COBL: variants seen among roughly 807,000 people sequenced by gnomAD.
COBL encodes the protein protein cordon-bleu.
COBL carries 51 observed loss-of-function variants against 98.8 expected under a neutral mutation model. The observed-to-expected ratio is 0.52, with a 90% CI of 0.41 to 0.65. The LOEUF is 0.65. Among genes scored for constraint, COBL ranks in the 30% least tolerant of loss-of-function variants. COBL has a pLI of 0.00. For missense variants in COBL, 1,617 were observed against 1,617.5 expected (o/e 1.00, Z 0.01); for synonymous variants, 634 against 651.7 (o/e 0.97, Z 0.41).
chr7:51,037,476 A>T (rs1317876335), intron 8 of COBL, among the ~76,000 whole-genome samples: 1 of 152,246 alleles, frequency 6.6e-6, no homozygotes, highest in Non-Finnish European at 1.5e-5. Context: ...TATTAGGAGC[A>T]TTGGCTGGGG....
chr7:51,069,764 T>C (rs997712001), intron 7 of COBL, among the ~76,000 whole-genome samples: 42 of 152,358 alleles, frequency 2.8e-4, no homozygotes, highest in African/African-American at 9.9e-4. Flanking sequence ...AAGGAAAGGA[T>C]GCATCCACTC....
At chr7:51,229,076 A>C (rs963725419) in intron 1 of COBL, among the ~76,000 whole-genome samples, 5 of 152,128 alleles carry the variant, frequency 3.3e-5, no homozygotes, top group African/African-American at 9.7e-5. Flanking sequence ...TTTGCCCCCT[A>C]AAAGGAGCAC....
chr7:51,261,026 A>G (rs945234842), intron 1 of COBL, among the ~76,000 whole-genome samples: 16 of 152,076 alleles, frequency 1.1e-4, no homozygotes, highest in Middle Eastern at 3.4e-3. Context: ...ACCTCCAGCC[A>G]TTCTCCCCAG....
intron 1 of COBL, among the ~76,000 whole-genome samples, chr7:51,238,995 T>C (rs553643707): frequency 6.6e-6 from 1 of 152,282 alleles, no homozygotes; most frequent in South Asian, 2.1e-4. Flanking sequence ...AAAAAGTAAA[T>C]TATATAAACT....
intron 4 of COBL, among the ~76,000 whole-genome samples, chr7:51,187,490 G>A (rs965605988): frequency 6.6e-6 from 1 of 152,036 alleles, no homozygotes; most frequent in African/African-American, 2.4e-5. Context: ...TGACAGAAAA[G>A]GTTAAATTTT....
intron 7 of COBL, among the ~76,000 whole-genome samples, chr7:51,074,539 A>G (rs1442130962): frequency 6.6e-6 from 1 of 152,216 alleles, no homozygotes; most frequent in Non-Finnish European, 1.5e-5. Context: ...TTTATGCCTT[A>G]TTTCTGGGAA....
At position 51,307,268 on chromosome 7, in the gene COBL, G is replaced by A. The variant is rs369050806; in HGVS notation, c.41+9325C>T. 1.3e-3 allele frequency among the ~76,000 whole-genome samples: 194 copies of A among 152,292 alleles called. 1 individual carries two copies. Among genetic ancestry groups the A allele is most frequent in the African/African-American group, 4.5e-3 (189 of 41,560 alleles). On this transcript the variant is annotated intron_variant, in intron 1 of 12. Coordinates refer to ENST00000265136, the MANE Select transcript of COBL (RefSeq NM_015198.5). ...GGAGGCTGAGGCAGGAGAATTGCTT[G>A]AACCTAGGAGGTAGAGGTTGCAGTG...
intron 5 of COBL, among the ~76,000 whole-genome samples, chr7:51,173,205 A>G (rs933724913): frequency 6.6e-6 from 1 of 151,996 alleles, no homozygotes; most frequent in Admixed American, 6.6e-5. Context: ...TGTTTTGAGC[A>G]GAGTCTCACT....
chr7:51,280,385 A>G (rs1799710484), intron 1 of COBL, among the ~76,000 whole-genome samples: 1 of 152,186 alleles, frequency 6.6e-6, no homozygotes, highest in Non-Finnish European at 1.5e-5. Context: ...GAGGTGGCAG[A>G]GTGGGTGACA....
At chr7:51,049,033 A>G (rs1435399282) in intron 7 of COBL, among the ~76,000 whole-genome samples, 1 of 152,210 alleles carries the variant, frequency 6.6e-6, no homozygotes. Flanking sequence ...ACATCATTCC[A>G]TTAGGTTTCT....
chr7:51,067,751 T>G (rs890254366), intron 7 of COBL, among the ~76,000 whole-genome samples: 1 of 152,238 alleles, frequency 6.6e-6, no homozygotes, highest in African/African-American at 2.4e-5. Context: ...TGTGACTAGC[T>G]GCAACATAAT....
At chr7:51,290,404 T>C (rs1800782935) in intron 1 of COBL, among the ~76,000 whole-genome samples, 1 of 152,058 alleles carries the variant, frequency 6.6e-6, no homozygotes, top group Non-Finnish European at 1.5e-5. Flanking sequence ...GCAGAGATAA[T>C]GTGAAACCTG....
At chr7:51,070,568 G>C (rs1046391017) in intron 7 of COBL, among the ~76,000 whole-genome samples, 2 of 152,188 alleles carry the variant, frequency 1.3e-5, no homozygotes, top group Non-Finnish European at 2.9e-5. Flanking sequence ...ATTTTTGGAA[G>C]ATGCACTCTT....
At chr7:51,140,321 C>T (rs371844277) in intron 5 of COBL, among the ~76,000 whole-genome samples, 19 of 152,200 alleles carry the variant, frequency 1.2e-4, no homozygotes, top group African/African-American at 4.3e-4. Context: ...CATGTCACCA[C>T]ACCACTGATA....
chr7:51,132,700 A>C (rs1481135599), intron 6 of COBL, among the ~76,000 whole-genome samples: 2 of 152,194 alleles, frequency 1.3e-5, no homozygotes, highest in Non-Finnish European at 2.9e-5. Context: ...TCATGGTTCC[A>C]TAGACTGTAC....
At position 51,027,916 on chromosome 7, in the gene COBL, G is replaced by A. The variant is rs777376866; in HGVS notation, c.3180C>T (p.Ser1060=). The A allele has an allele frequency of 1.1e-5, 17 of 1,613,948 alleles. No homozygotes were observed. The African/African-American group carries it at 2.3e-4, about 22-fold the overall frequency. The change falls in exon 10 of 13, where the codon AGC becomes AGT. Residue 1060 remains serine (S), a synonymous_variant. Coordinates refer to ENST00000265136, the MANE Select transcript of COBL (RefSeq NM_015198.5). ...SHPPGGSGTE[S]HILLEREEKP... is the part of the protein sequence containing the mutation. ...TTTCCTCTCTTTCTAGGAGAATGTG[G>A]CTTTCTGTGCCAGACCCTCCTGGAG...
chr7:51,103,932 G>C (rs1301412726), intron 6 of COBL, among the ~76,000 whole-genome samples: 1 of 152,224 alleles, frequency 6.6e-6, no homozygotes, highest in Non-Finnish European at 1.5e-5. Context: ...CCTCAACCCA[G>C]GCCTTGGCGG....
intron 3 of COBL, among the ~76,000 whole-genome samples, chr7:51,193,034 A>AT (rs1276730762): frequency 1.3e-5 from 2 of 152,208 alleles, no homozygotes; most frequent in Admixed American, 6.5e-5. Context: ...AACATACCAA[A>AT]TTTTTAAAAA....
chr7:51,313,199 C>G (rs1563157103), intron 1 of COBL, among the ~76,000 whole-genome samples: 2 of 151,950 alleles, frequency 1.3e-5, no homozygotes, highest in Admixed American at 6.6e-5. Context: ...AGCCAAAAGC[C>G]AAAGGCCTAG....
Sources: allele counts gnomAD v4.1 joint callset (sites outside exome capture counted in the v4.1 genomes callset), GRCh38; gene constraint gnomAD v4.1.1; transcripts MANE v1.5; gene names NCBI Gene and HGNC (gene_info 2026-07-23, HGNC 2026-07-21).